Variants in RNF44 observed in about 807,000 individuals in gnomAD.
RNF44 encodes the protein ring finger protein 44.
A neutral mutation model predicts 53.6 loss-of-function variants in RNF44; 25 were observed. The observed-to-expected ratio is 0.47, with a 90% CI of 0.34 to 0.65. RNF44 has a LOEUF of 0.65. Among genes scored for constraint, RNF44 ranks in the 30% least tolerant of loss-of-function variants. RNF44 has a pLI of 0.01. For missense variants in RNF44, 581 were observed against 595.5 expected, an observed-to-expected ratio of 0.98 and a Z score of 0.25; for synonymous variants, 282 against 252.2, an observed-to-expected ratio of 1.12 and a Z score of -1.12.
chr5:176,530,911 GGGGGGT>G lies in RNF44; in HGVS notation c.570_575del (p.Pro191_Pro192del). 2 of 1,401,824 alleles carry G rather than the reference GGGGGGT, an allele frequency of 1.4e-6. No individual in the cohort carries two copies. Among genetic ancestry groups the G allele is most frequent in the Non-Finnish European group, 9.4e-7 (1 of 1,065,940 alleles). The allele number at this position is 1,401,824 out of a possible 1,614,324, so 86.8% of individuals were successfully genotyped here. On this transcript the variant is annotated inframe_deletion, in exon 5 of 11. Coordinates refer to ENST00000274811, the MANE Select transcript of RNF44 (RefSeq NM_014901.5). ...CCAGGGGCGCCATGTGGGTGGGCTGGGGGGGTGGGGCCGGTGGTGGGGGGTGCAGGA... is the reference window on the plus strand; with the variant it reads ...CCAGGGGCGCCATGTGGGTGGGCTGGGGGGCCGGTGGTGGGGGGTGCAGGA...
At chr5:176,533,664 G>C (rs576912937) in intron 1 of RNF44, among the ~76,000 whole-genome samples, 62 of 152,300 alleles carry the variant, frequency 4.1e-4, no homozygotes, top group Admixed American at 7.8e-4. Flanking sequence ...GGAAGAACCC[G>C]AGAGAGGAAG....
At position 176,528,995 on chromosome 5, in the gene RNF44, G is replaced by A; in HGVS notation, c.*33C>T. On this transcript the variant is annotated 3_prime_UTR_variant, in exon 11 of 11. Coordinates refer to ENST00000274811, the MANE Select transcript of RNF44 (RefSeq NM_014901.5). The stretch of plus-strand genomic sequence containing the variant: ...CACCCACAAGTTTCCAGAGCTTCAG[G>A]CAGGGTTCTCCCGGGCAGGCGGCTG... 1 of 1,600,924 alleles carries A rather than the reference G, an allele frequency of 6.2e-7. No individual in the cohort carries two copies. The highest frequency in any genetic ancestry group is 8.5e-7 in the Non-Finnish European group (1 of 1,173,022).
Position 176,528,803 on chromosome 5 carries a change from G to GCGGA in RNF44, c.*224_*225insTCCG. 1 of 585,918 alleles carries GCGGA rather than the reference G, an allele frequency of 1.7e-6. No homozygotes were observed. Among genetic ancestry groups the GCGGA allele is most frequent in the Non-Finnish European group, 3.0e-6 (1 of 330,320 alleles). The allele number at this position is 585,918 out of a possible 1,614,324, so 36.3% of individuals were successfully genotyped here. A position where few individuals can be genotyped will look rare whatever the true frequency, so the allele number is the denominator to read the frequency against. The stretch of plus-strand genomic sequence containing the variant: ...TCAGGGACACTCAGGCAGCTCCGTG[G>GCGGA]CGGGCGGGCAGGCAGGCAGACTAGG... On this transcript the variant is annotated 3_prime_UTR_variant, in exon 11 of 11. Coordinates refer to ENST00000274811, the MANE Select transcript of RNF44 (RefSeq NM_014901.5).
chr5:176,529,766 G>A lies in RNF44; in HGVS notation c.979C>T (p.Leu327=), dbSNP rs1581096212. ...TAMGPTISLD[L]DVDDVEMENY... ...TCCATCTCCACATCATCCACGTCCA[G>A]GTCCAGGCTGATGGTGGGCCCCATT... Residue 327 remains leucine (L), a synonymous_variant, in exon 8 of 11, where the codon CTG becomes TTG. Coordinates refer to ENST00000274811, the MANE Select transcript of RNF44 (RefSeq NM_014901.5). 6.2e-7 allele frequency: 1 copy of A among 1,612,298 alleles called. No individual in the cohort carries two copies. The highest frequency in any genetic ancestry group is 8.5e-7 in the Non-Finnish European group (1 of 1,179,084).
At chr5:176,541,098 T>C (rs570542488), upstream of RNF44, among the ~76,000 whole-genome samples, 3 of 152,220 alleles carry the variant, frequency 2.0e-5, no homozygotes, top group Middle Eastern at 3.4e-3. Context: ...TTCAGAGCCA[T>C]GGAGGGGCAG....
At chr5:176,541,086 G>A (rs1392620046), upstream of RNF44, among the ~76,000 whole-genome samples, 5 of 152,176 alleles carry the variant, frequency 3.3e-5, no homozygotes, top group Admixed American at 6.5e-5. Context: ...AGAGGAAAGC[G>A]GTTCAGAGCC....
chr5:176,540,893 T>C (rs1451173994), upstream of RNF44, among the ~76,000 whole-genome samples: 1 of 152,182 alleles, frequency 6.6e-6, no homozygotes, highest in African/African-American at 2.4e-5. Flanking sequence ...AATTTTCCAG[T>C]TTTTCAAATG....
upstream of RNF44, chr5:176,537,590 G>C (rs1283601480): frequency 6.6e-6 from 1 of 152,252 alleles, no homozygotes; most frequent in African/African-American, 2.4e-5. Context: ...ACATAAAGAT[G>C]GGGAGACCCC....
In RNF44 at chr5:176,528,694, C is replaced by T. The variant is rs923972438; in HGVS notation, c.*334G>A. ...CCATCCTGGGGCCAAGGATCTCCAC[C>T]GGCCCCACTGAGGGAGCGGACCCCT... On this transcript the variant is annotated 3_prime_UTR_variant, in exon 11 of 11. Transcript: ENST00000274811. The T allele has an allele frequency of 2.3e-5, 9 of 387,542 alleles. No individual in the cohort carries two copies. Among genetic ancestry groups the T allele is most frequent in the African/African-American group, 8.3e-5 (4 of 48,384 alleles). 24.0% of individuals were successfully genotyped at this position (387,542 alleles called of 1,614,324 possible).
chr5:176,534,836 C>T (rs934473130), intron 1 of RNF44, among the ~76,000 whole-genome samples: 53 of 152,228 alleles, frequency 3.5e-4, no homozygotes, highest in Non-Finnish European at 1.9e-4. Context: ...ATCGTGAGTG[C>T]GCAGGTGCAT....
upstream of RNF44, among the ~76,000 whole-genome samples, chr5:176,538,343 T>C (rs536718674): frequency 1.4e-4 from 21 of 152,302 alleles, no homozygotes; most frequent in Non-Finnish European, 1.2e-4. Flanking sequence ...GGGCCTTCCC[T>C]TACTCCAGAT....
At chr5:176,529,208 A>T in intron 10 of RNF44, 80 bp downstream of exon 10, 1 of 1,553,308 alleles carries the variant, frequency 6.4e-7, no homozygotes, top group Non-Finnish European at 8.9e-7. Context: ...TGACAAGGAC[A>T]AGGAGGGAAA....
chr5:176,539,379 C>T (rs1034656720), upstream of RNF44, among the ~76,000 whole-genome samples: 1 of 152,250 alleles, frequency 6.6e-6, no homozygotes, highest in Non-Finnish European at 1.5e-5. Flanking sequence ...TTCCCCACCA[C>T]ATAAAAGCAA....
chr5:176,532,501 G>T lies in RNF44; in HGVS notation c.-29C>A, dbSNP rs1398458681. 1 of 1,534,234 alleles carries T rather than the reference G, an allele frequency of 6.5e-7. No individual in the cohort carries two copies. Among genetic ancestry groups the T allele is most frequent in the South Asian group, 1.2e-5 (1 of 83,252 alleles). On this transcript the variant is annotated 5_prime_UTR_variant, in exon 2 of 11. Coordinates refer to ENST00000274811, the MANE Select transcript of RNF44 (RefSeq NM_014901.5). The stretch of plus-strand genomic sequence containing the variant: ...GGGGGCAGGGGGGTGGAGGGGCTGG[G>T]CCGGGACTCACAACCCTAGGAGGCA...
chr5:176,531,635 G>C lies in RNF44; in HGVS notation c.298-5C>G, dbSNP rs765635358. 4.4e-6 allele frequency: 7 copies of C among 1,598,882 alleles called. No homozygotes were observed. Among genetic ancestry groups the C allele is most frequent in the African/African-American group, 4.0e-5 (3 of 74,410 alleles). On this transcript the variant is annotated splice_region_variant and splice_polypyrimidine_tract_variant and intron_variant, in intron 3 of 10. Transcript: ENST00000274811. This position sits in a 1 kb window ranked among gnomAD's most constrained non-coding sequence, Gnocchi z 4.2. ...AGGGACAGGTCCCTGGTGCACCTGT[G>C]GGTGGAGAGAACGCCGGGAAAGTAT... is the stretch of plus-strand genomic sequence containing the variant.
chr5:176,532,395 A>C lies in RNF44; in HGVS notation c.78T>G (p.Pro26=). The C allele has an allele frequency of 6.2e-7, 1 of 1,602,068 alleles. No individual in the cohort carries two copies. The change falls in exon 2 of 11, where the codon CCT becomes CCG. Residue 26 remains proline, a synonymous_variant. Transcript: ENST00000274811. The stretch of plus-strand genomic sequence containing the variant: ...CCCAGAGCTGGCCCGGGGTGCTGCC[A>C]GGTCCCGCAGAGAATCGCCGCTGGC... ...PVGQRRFSAG[P]GSTPGQLWGS...
At position 176,527,419 on chromosome 5, in the gene RNF44, G is replaced by A. The variant is rs1646185438; in HGVS notation, c.*1609C>T. On this transcript the variant is annotated 3_prime_UTR_variant, in exon 11 of 11. Coordinates refer to ENST00000274811, the MANE Select transcript of RNF44 (RefSeq NM_014901.5). Reference sequence around the variant, plus strand: ...CTGCCCCAGGAACTGTAAGGGGTTTGAAAACGTTTTGTTGGGGTCGGGAAG... The same window carrying A: ...CTGCCCCAGGAACTGTAAGGGGTTTAAAAACGTTTTGTTGGGGTCGGGAAG... 6.6e-6 allele frequency: 1 copy of A among 152,616 alleles called. No homozygotes were observed. Among genetic ancestry groups the A allele is most frequent in the South Asian group, 2.1e-4 (1 of 4,836 alleles). The allele number at this position is 152,616 out of a possible 1,614,324, so 9.5% of individuals were successfully genotyped here. A position where few individuals can be genotyped will look rare whatever the true frequency, so the allele number is the denominator to read the frequency against.
intron 9 of RNF44, 35 bp downstream of exon 9, chr5:176,529,488 G>A: frequency 6.2e-7 from 1 of 1,612,964 alleles, no homozygotes; most frequent in Non-Finnish European, 8.5e-7. Context: ...AGCCAGCTGT[G>A]TTCAGAGGGG....
At chr5:176,529,157 TG>T in intron 10 of RNF44, 67 bp from the exon 11 acceptor site, 2 of 1,588,900 alleles carry the variant, frequency 1.3e-6, no homozygotes, top group Non-Finnish European at 1.7e-6. Context: ...TGCAGCCACC[TG>T]GGGGGACTTG....
Sources: allele counts gnomAD v4.1 joint callset (sites outside exome capture counted in the v4.1 genomes callset), GRCh38; gene constraint gnomAD v4.1.1; non-coding constraint Gnocchi (gnomAD v3.1); transcripts MANE v1.5; gene names NCBI Gene and HGNC (gene_info 2026-07-23, HGNC 2026-07-21).